The following DAB1 variants were observed in gnomAD, a reference collection of about 807,000 sequenced individuals.
DAB1 encodes the protein disabled homolog 1.
DAB1 carries 15 observed loss-of-function variants against 64.6 expected under a neutral mutation model. The ratio of observed to expected loss-of-function variants is 0.23; its 90% CI spans 0.16 to 0.36. The LOEUF (loss-of-function observed/expected upper bound fraction) is 0.36. Among genes scored for constraint, DAB1 ranks in the 10% least tolerant of loss-of-function variants. The pLI is 1.00. For synonymous variants in DAB1, 235 were observed against 251.9 expected, an observed-to-expected ratio of 0.93 and a Z score of 0.64; for missense variants, 596 against 706.7, an observed-to-expected ratio of 0.84 and a Z score of 1.78.
At chr1:57,352,652 G>A (rs916170293) in intron 1 of DAB1, among the ~76,000 whole-genome samples, 2 of 152,086 alleles carry the variant, frequency 1.3e-5, no homozygotes, top group South Asian at 2.1e-4. Flanking sequence ...GAAACTGAAG[G>A]AGTAAGATTT....
chr1:58,242,082 A>G (rs930656592), intron 4 of DAB1, among the ~76,000 whole-genome samples: 3 of 152,092 alleles, frequency 2.0e-5, no homozygotes, highest in African/African-American at 7.2e-5. Flanking sequence ...TCAGATGGAA[A>G]ATGGTGGAAA....
At chr1:57,325,997 C>G in intron 1 of DAB1, among the ~76,000 whole-genome samples, 1 of 152,092 alleles carries the variant, frequency 6.6e-6, no homozygotes, top group East Asian at 1.9e-4. Context: ...AAAGAAATCA[C>G]CCGCAAATGA....
intron 1 of DAB1, among the ~76,000 whole-genome samples, chr1:57,389,745 G>T (rs751138129): frequency 6.6e-6 from 1 of 152,096 alleles, no homozygotes; most frequent in East Asian, 1.9e-4. Context: ...TAACTAAATT[G>T]TTCCCCAAAT....
intron 4 of DAB1, among the ~76,000 whole-genome samples, chr1:58,172,178 C>T (rs963471661): frequency 4.6e-5 from 7 of 152,166 alleles, no homozygotes; most frequent in Admixed American, 1.3e-4. Context: ...CCTAGTACAA[C>T]CTCCAGCTTT....
intron 7 of DAB1, among the ~76,000 whole-genome samples, chr1:57,487,972 T>C (rs994672100): frequency 7.2e-5 from 11 of 152,322 alleles, no homozygotes; most frequent in African/African-American, 1.9e-4. Context: ...ACCATCCTTA[T>C]ACAAATGAAC....
intron 3 of DAB1, among the ~76,000 whole-genome samples, chr1:58,477,259 G>A (rs970051998): frequency 2.0e-5 from 3 of 152,042 alleles, no homozygotes; most frequent in Non-Finnish European, 4.4e-5. Context: ...CCTTGTAAAC[G>A]CTAAAGCAAA....
chr1:57,461,521 A>G (rs1451082193), intron 7 of DAB1, among the ~76,000 whole-genome samples: 1 of 152,128 alleles, frequency 6.6e-6, no homozygotes, highest in East Asian at 1.9e-4. Context: ...CCTTCTCCAC[A>G]CTTCCTGTCT....
intron 1 of DAB1, among the ~76,000 whole-genome samples, chr1:57,859,039 G>A (rs852805): frequency 0.56 from 85,197 of 151,752 alleles, 24,073 homozygotes; most frequent in Admixed American, 0.64. Context: ...GGGGGTTGTC[G>A]TTTGAGTCCT....
At chr1:58,296,139 AAAGGAAAGAAAGAAAAAAG>A (rs1661969232) in intron 4 of DAB1, among the ~76,000 whole-genome samples, 1 of 115,446 alleles carries the variant, frequency 8.7e-6, no homozygotes, top group African/African-American at 2.8e-5. Flanking sequence ...AAAAAGAAAG[AAAGGAAAGAAAGAAAAAAG>A]AAAGAAAGAA....
At chr1:57,665,087 G>GA (rs1357386184) in intron 6 of DAB1, among the ~76,000 whole-genome samples, 1 of 151,864 alleles carries the variant, frequency 6.6e-6, no homozygotes, top group East Asian at 1.9e-4. Flanking sequence ...ACATCATTCT[G>GA]AAAAAGCATA....
At chr1:57,376,751 A>T (rs903508699) in intron 1 of DAB1, among the ~76,000 whole-genome samples, 1 of 152,196 alleles carries the variant, frequency 6.6e-6, no homozygotes, top group African/African-American at 2.4e-5. Flanking sequence ...GAGACAGAAA[A>T]CTGTTCAAAG....
chr1:57,202,193 C>T (rs1284196009), intron 2 of DAB1, among the ~76,000 whole-genome samples: 3 of 152,176 alleles, frequency 2.0e-5, no homozygotes, highest in Non-Finnish European at 4.4e-5. Flanking sequence ...ATTTGAAAGG[C>T]AGATTTTTTT....
chr1:57,184,570 A>C (rs1453759516), intron 2 of DAB1, among the ~76,000 whole-genome samples: 1 of 152,028 alleles, frequency 6.6e-6, no homozygotes, highest in Admixed American at 6.5e-5. Context: ...GTTACCAAAA[A>C]TAAGAACTGC....
intron 3 of DAB1, among the ~76,000 whole-genome samples, chr1:58,371,269 A>C (rs1265307977): frequency 6.6e-6 from 1 of 152,210 alleles, no homozygotes; most frequent in African/African-American, 2.4e-5. Flanking sequence ...AGAGACTGGC[A>C]GCAGTTTGCC....
chr1:58,031,571 T>C (rs1489773284), intron 5 of DAB1, among the ~76,000 whole-genome samples: 2 of 152,188 alleles, frequency 1.3e-5, no homozygotes, highest in African/African-American at 2.4e-5. Context: ...CAGATTTCCT[T>C]TGAGATGCTA....
chr1:57,725,387 T>C (rs1366263654), intron 6 of DAB1, among the ~76,000 whole-genome samples: 2 of 152,186 alleles, frequency 1.3e-5, no homozygotes, highest in South Asian at 2.1e-4. Context: ...GGAGTCGTGA[T>C]GGTGTATACT....
intron 7 of DAB1, among the ~76,000 whole-genome samples, chr1:57,569,874 G>T (rs373505737): frequency 6.6e-6 from 1 of 152,136 alleles, no homozygotes; most frequent in Non-Finnish European, 1.5e-5. Flanking sequence ...GTTGGGGATT[G>T]GTGCATTTCC....
At chr1:58,478,005 T>C (rs1645435839) in intron 3 of DAB1, among the ~76,000 whole-genome samples, 2 of 152,138 alleles carry the variant, frequency 1.3e-5, no homozygotes, top group East Asian at 1.9e-4. Context: ...GGTTCAACAG[T>C]GCTTGAAAAA....
chr1:57,761,258 C>T (rs546076472), intron 6 of DAB1, among the ~76,000 whole-genome samples: 7 of 152,314 alleles, frequency 4.6e-5, no homozygotes, highest in Admixed American at 2.6e-4. Flanking sequence ...TAACAAGGAA[C>T]TAGAAGACAT....
Sources: gnomAD v4.1 joint callset for allele counts (sites outside exome capture counted in the v4.1 genomes callset) on GRCh38, gnomAD v4.1.1 for gene constraint, MANE v1.5 for transcripts, NCBI Gene and HGNC (gene_info 2026-07-23, HGNC 2026-07-21) for gene names.